Variants in SNED1 observed in about 807,000 individuals in gnomAD.
SNED1 encodes the protein sushi, nidogen and EGF like domains 1, also known as sushi, nidogen and EGF-like domain-containing protein 1.
SNED1 carries 81 observed loss-of-function variants against 166.7 expected under a neutral mutation model. That is an observed-to-expected ratio of 0.49 (90% confidence interval 0.41 to 0.58). The LOEUF (loss-of-function observed/expected upper bound fraction) is 0.58. Ranked by LOEUF, SNED1 falls within the 20% of genes least tolerant of loss-of-function variation. The pLI, the probability that SNED1 is intolerant of heterozygous loss-of-function variation, is 0.00. For missense variants in SNED1, 1,604 were observed against 2,000.2 expected, an observed-to-expected ratio of 0.80 and a Z score of 3.78; for synonymous variants, 762 against 822.0, an observed-to-expected ratio of 0.93 and a Z score of 1.25.
intron 21 of SNED1, among the ~76,000 whole-genome samples, chr2:241,066,356 C>T (rs1041428467): frequency 6.6e-6 from 1 of 152,176 alleles, no homozygotes; most frequent in African/African-American, 2.4e-5. Flanking sequence ...AGAAAGGAGC[C>T]CTAGAACATG....
intron 1 of SNED1, 48 bp from the exon 2 acceptor site, chr2:241,030,236 C>T (rs776195111): frequency 6.7e-7 from 1 of 1,494,786 alleles, no homozygotes; most frequent in Non-Finnish European, 9.0e-7. Context: ...GCCCACCCGC[C>T]TGCCCACAGC....
In SNED1 at chr2:241,071,862, A is replaced by C; in HGVS notation, c.3801A>C (p.Ala1267=). The change falls in exon 26 of 32, where the codon GCA becomes GCC. Residue 1267 remains alanine (A), a synonymous_variant. Transcript: ENST00000310397. ...SARFGGSPSK[A]ATVRSQPTAS... ...GGTTCGGTGGCTCACCCAGCAAAGCAGCCACCGTGAGATCACGTGAGTGCC... is the reference window on the plus strand; with the variant it reads ...GGTTCGGTGGCTCACCCAGCAAAGCCGCCACCGTGAGATCACGTGAGTGCC... 6.2e-7 allele frequency: 1 copy of C among 1,604,408 alleles called. No individual in the cohort carries two copies. The highest frequency in any genetic ancestry group is 1.1e-5 in the South Asian group (1 of 88,880).
In SNED1 at chr2:241,036,941, C is replaced by G. The variant is rs370014005; in HGVS notation, c.931+26C>G. 18 of 1,594,860 alleles carry G rather than the reference C, an allele frequency of 1.1e-5. No homozygotes were observed. In the African/African-American group the frequency reaches 2.4e-4, roughly 21 times the overall value. Reference sequence around the variant, plus strand: ...GTGAGTGACTGGCCCAGGGCGGGACCACCCGCTGGCTGCGCTGGGCTCAGG... The same window carrying G: ...GTGAGTGACTGGCCCAGGGCGGGACGACCCGCTGGCTGCGCTGGGCTCAGG... On this transcript the variant is annotated intron_variant, in intron 5 of 31. Coordinates refer to ENST00000310397, the MANE Select transcript of SNED1 (RefSeq NM_001080437.3).
At chr2:241,002,632 A>G (rs1322770500) in intron 1 of SNED1, among the ~76,000 whole-genome samples, 2 of 152,116 alleles carry the variant, frequency 1.3e-5, no homozygotes, top group African/African-American at 4.8e-5. Flanking sequence ...TGAGCCCAGG[A>G]CAGCTGTGAT....
intron 31 of SNED1, chr2:241,090,369 CCTT>C: frequency 5.8e-6 from 9 of 1,550,192 alleles, no homozygotes; most frequent in Non-Finnish European, 7.8e-6. Context: ...GACAATGATG[CCTT>C]CTTCTGGAAA....
At chr2:241,061,317 G>T (rs572980878) in intron 16 of SNED1, among the ~76,000 whole-genome samples, 1 of 152,326 alleles carries the variant, frequency 6.6e-6, no homozygotes, top group South Asian at 2.1e-4. Flanking sequence ...AAAGTGCAAT[G>T]AGGTACATTC....
intron 1 of SNED1, among the ~76,000 whole-genome samples, chr2:241,026,504 C>A (rs991364031): frequency 1.3e-5 from 2 of 152,148 alleles, no homozygotes; most frequent in South Asian, 2.1e-4. Context: ...TATTCTCCAT[C>A]TTTTTGTCTC....
chr2:241,042,695 GA>G (rs763094286), intron 8 of SNED1, among the ~76,000 whole-genome samples: 51 of 152,238 alleles, frequency 3.4e-4, no homozygotes, highest in Non-Finnish European at 6.3e-4. Context: ...AAAACTTGTA[GA>G]AATGAAAAAT....
chr2:241,073,166 C>A lies in SNED1; in HGVS notation c.3818-100C>A. The A allele has an allele frequency of 1.2e-6, 1 of 838,508 alleles. No individual in the cohort carries two copies. Among genetic ancestry groups the A allele is most frequent in the Non-Finnish European group, 1.9e-6 (1 of 529,610 alleles). 51.9% of individuals were successfully genotyped at this position (838,508 alleles called of 1,614,324 possible). On this transcript the variant is annotated intron_variant, in intron 26 of 31. Transcript: ENST00000310397. The surrounding 1 kb of genome is among the most constrained non-coding windows in gnomAD (Gnocchi z 6.6). The stretch of plus-strand genomic sequence containing the variant: ...GGAGCCTGGTCCCCACCAGGGACAT[C>A]CGTGCTCCCTGAGATATAGAAGCAC...
chr2:241,073,353 A>AG lies in SNED1; in HGVS notation c.3907dup (p.Asp1303GlyfsTer30), dbSNP rs1212310696. The stretch of plus-strand genomic sequence containing the variant: ...CTCCAGCTCCCTGAACACGGCAGCA[A>AG]GGACATCGGAAGTGAGTCAGCAGCG... On this transcript the variant is annotated frameshift_variant, in exon 27 of 32. Coordinates refer to ENST00000310397, the MANE Select transcript of SNED1 (RefSeq NM_001080437.3). LOFTEE classifies it high-confidence loss of function. This position sits in a 1 kb window ranked among gnomAD's most constrained non-coding sequence, Gnocchi z 6.6. The AG allele has an allele frequency of 3.8e-6, 6 of 1,569,940 alleles. No homozygotes were observed. The African/African-American group carries it at 6.8e-5, about 18-fold the overall frequency.
At chr2:241,027,122 G>A (rs541783080) in intron 1 of SNED1, among the ~76,000 whole-genome samples, 4 of 150,932 alleles carry the variant, frequency 2.7e-5, no homozygotes, top group South Asian at 2.1e-4. Flanking sequence ...ACTCTGTCAC[G>A]CAGTCTGGAG....
chr2:241,071,869 G>C lies in SNED1; in HGVS notation c.3808G>C (p.Val1270Leu), dbSNP rs775546808. 6.2e-7 allele frequency: 1 copy of C among 1,600,684 alleles called. No homozygotes were observed. The highest frequency in any genetic ancestry group is 1.1e-5 in the South Asian group (1 of 88,284). ...TGGCTCACCCAGCAAAGCAGCCACC[G>C]TGAGATCACGTGAGTGCCAGGGCCT... The part of the protein sequence containing the change: ...FGGSPSKAAT[V>L]RSQPTASAQL... Residue 1270 changes from valine to leucine, a missense_variant, in exon 26 of 32, where the codon GTG becomes CTG. Val to Leu is a conservative substitution (Grantham distance 32, BLOSUM62 1). Around this residue, in one of 2 missense-constraint regions of SNED1, gnomAD observed 367 missense variants for 379.4 expected, o/e 0.97. Transcript: ENST00000310397.
chr2:241,052,380 G>A lies in SNED1; in HGVS notation c.1995G>A (p.Pro665=), dbSNP rs373069031. Residue 665 remains proline, a synonymous_variant, in exon 15 of 32, where the codon CCG becomes CCA. Transcript: ENST00000310397. ...CCCCCTCCCCCTGCTTCCGGAGCCCGTGTGTGAATGGGGGCACCTGCGAGG... is the reference window on the plus strand; with the variant it reads ...CCCCCTCCCCCTGCTTCCGGAGCCCATGTGTGAATGGGGGCACCTGCGAGG... The part of the protein sequence containing the change: ...EIAPSPCFRS[P]CVNGGTCEDR... 114 of 1,586,046 alleles carry A rather than the reference G, an allele frequency of 7.2e-5. No homozygotes were observed. Among genetic ancestry groups the A allele is most frequent in the Admixed American group, 2.9e-4 (17 of 57,978 alleles).
chr2:241,012,037 C>T (rs79073038), intron 1 of SNED1, among the ~76,000 whole-genome samples: 6,275 of 152,294 alleles, frequency 0.041, 791 homozygotes, highest in East Asian at 0.32. Context: ...GCACACCGCA[C>T]ACCTGCAAGC....
intron 2 of SNED1, 155 bp from the exon 3 acceptor site, chr2:241,033,580 G>A: frequency 1.2e-6 from 1 of 819,714 alleles, no homozygotes. Context: ...GGCCACCAAG[G>A]TCCTGCCTCG....
At position 241,051,128 on chromosome 2, in the gene SNED1, C is replaced by T. The variant is rs1281934486; in HGVS notation, c.1736-616C>T. 2 of 152,408 alleles carry T rather than the reference C, an allele frequency of 1.3e-5. No individual in the cohort carries two copies. Among genetic ancestry groups the T allele is most frequent in the Admixed American group, 1.3e-4 (2 of 15,282 alleles). 9.4% of individuals were successfully genotyped at this position (152,408 alleles called of 1,614,324 possible). A position where few individuals can be genotyped will look rare whatever the true frequency, so the allele number is the denominator to read the frequency against. On this transcript the variant is annotated intron_variant, in intron 12 of 31. Transcript: ENST00000310397. The surrounding 1 kb of genome is among the most constrained non-coding windows in gnomAD (Gnocchi z 4.7). Reference sequence around the variant, plus strand: ...GGCCCCTCCCGCCACTCAGAACACCCAGGGGTCCAAGGATTCGGCACTCCT... The same window carrying T: ...GGCCCCTCCCGCCACTCAGAACACCTAGGGGTCCAAGGATTCGGCACTCCT...
chr2:241,025,504 T>C (rs1034225458), intron 1 of SNED1, among the ~76,000 whole-genome samples: 3 of 152,212 alleles, frequency 2.0e-5, no homozygotes, highest in Non-Finnish European at 4.4e-5. Flanking sequence ...TCAATGTATA[T>C]TATTGTAATG....
chr2:240,998,487 G>A (rs1379769517), upstream of SNED1, among the ~76,000 whole-genome samples: 1 of 152,142 alleles, frequency 6.6e-6, no homozygotes, highest in Non-Finnish European at 1.5e-5. Context: ...CACGCCAGGG[G>A]ACTGAGCTCC....
chr2:241,036,744 G>C (rs1327391808), intron 4 of SNED1, 46 bp from the exon 5 acceptor site: 2 of 1,599,814 alleles, frequency 1.3e-6, no homozygotes, highest in East Asian at 4.5e-5. Flanking sequence ...CTCCTGCCGA[G>C]TCCGGAGGCA....
Sources: allele counts gnomAD v4.1 joint callset (sites outside exome capture counted in the v4.1 genomes callset), GRCh38; gene constraint gnomAD v4.1.1; regional missense constraint gnomAD v4.1.1; non-coding constraint Gnocchi (gnomAD v3.1); transcripts MANE v1.5; gene names NCBI Gene and HGNC (gene_info 2026-07-23, HGNC 2026-07-21).